The following SHANK1 variants were observed in gnomAD, a reference collection of about 807,000 sequenced individuals.
SHANK1 encodes the protein SH3 and multiple ankyrin repeat domains 1.
SHANK1 carries 35 observed loss-of-function variants against 165.6 expected under a neutral mutation model. The ratio of observed to expected loss-of-function variants is 0.21; its 90% confidence interval spans 0.16 to 0.28. The LOEUF is 0.28. SHANK1 is among the 10% of genes least tolerant of loss of function. The pLI, the probability that SHANK1 is intolerant of heterozygous loss-of-function variation, is 1.00. For synonymous variants in SHANK1, 1,428 were observed against 1,384.8 expected (o/e 1.03, Z -0.69); for missense variants, 2,681 against 3,036.4 (o/e 0.88, Z 2.75).
chr19:50,711,625 C>T, intron 7 of SHANK1, 138 bp from the exon 8 acceptor site: 1 of 699,282 alleles, frequency 1.4e-6, no homozygotes, highest in Admixed American at 2.6e-5. Flanking sequence ...CCTTTTAGCC[C>T]CGCTTCCTGC....
At position 50,686,789 on chromosome 19, in the gene SHANK1, C is replaced by T; in HGVS notation, c.2413G>A (p.Val805Met). Residue 805 changes from valine to methionine, a missense_variant, in exon 20 of 24, where the codon GTG (valine) becomes ATG (methionine). Coordinates refer to ENST00000293441, the MANE Select transcript of SHANK1 (RefSeq NM_016148.5). This position sits in a 1 kb window ranked among gnomAD's most constrained non-coding sequence, Gnocchi z 5.7. The part of the protein sequence containing the change: ...EMEYEQQPAP[V>M]PSMEKKRTVY... ...GTCCGCTTTTTCTCCATGCTGGGCA[C>T]CGGCGCCGGCTGCTGCTCGTACTCT... 7 of 1,613,826 alleles carry T rather than the reference C, an allele frequency of 4.3e-6. No individual in the cohort carries two copies. The highest frequency in any genetic ancestry group is 5.9e-6 in the Non-Finnish European group (7 of 1,179,804).
chr19:50,702,622 G>A lies in SHANK1; in HGVS notation c.1592C>T (p.Thr531Met), dbSNP rs756769589. 98 of 1,586,794 alleles carry A rather than the reference G, an allele frequency of 6.2e-5. No homozygotes were observed. The highest frequency in any genetic ancestry group is 7.1e-5 in the Admixed American group (4 of 56,632). ...GCCCCCGGGGCCCCCTGAGCCCCCC[G>A]TGCCCCCGGCTGGCCCTTCCCGGGG... ...GTPREGPAGGTGGSGGPGGSL... is the reference protein window; with the variant it reads ...GTPREGPAGGMGGSGGPGGSL... Residue 531 changes from threonine to methionine, a missense_variant, in exon 12 of 24, where the codon ACG becomes ATG. This residue lies in a region of SHANK1 where 195 missense variants were observed against 186.2 expected (regional missense o/e 1.05). Coordinates refer to ENST00000293441, the MANE Select transcript of SHANK1 (RefSeq NM_016148.5). This position sits in a 1 kb window ranked among gnomAD's most constrained non-coding sequence, Gnocchi z 5.3.
At chr19:50,714,424 T>C in intron 4 of SHANK1, 134 bp from the exon 5 acceptor site, 2 of 740,552 alleles carry the variant, frequency 2.7e-6, no homozygotes, top group Non-Finnish European at 4.4e-6. Context: ...AGCAGCCTCC[T>C]TTACAGAGAA....
At position 50,666,242 on chromosome 19, in the gene SHANK1, G is replaced by A. The variant is rs370229569; in HGVS notation, c.5718C>T (p.His1906=). 2.9e-5 allele frequency: 47 copies of A among 1,609,478 alleles called. No individual in the cohort carries two copies. Among genetic ancestry groups the A allele is most frequent in the Non-Finnish European group, 3.7e-5 (44 of 1,178,598 alleles). ...TCTCGGGGACATAGCTGGCTCCCCCGTGGTGGCTGTCTCCGCCTCCCCCAC... is the reference window on the plus strand; with the variant it reads ...TCTCGGGGACATAGCTGGCTCCCCCATGGTGGCTGTCTCCGCCTCCCCCAC... The part of the protein sequence containing the change: ...GGSGGGGDSH[H]GGASYVPERT... The change falls in exon 23 of 24, where the codon CAC becomes CAT. Residue 1906 remains histidine (H), a synonymous_variant. Transcript: ENST00000293441.
chr19:50,689,316 G>A (rs1329718892), intron 15 of SHANK1, 37 bp from the exon 16 acceptor site: 1 of 1,449,276 alleles, frequency 6.9e-7, no homozygotes. Context: ...GGGTGGTGGG[G>A]GGAGTGGAGA....
chr19:50,663,729 T>C (rs976108945), intron 23 of SHANK1, among the ~76,000 whole-genome samples: 1 of 146,706 alleles, frequency 6.8e-6, no homozygotes, highest in African/African-American at 2.5e-5. Flanking sequence ...TTCCTGTTGC[T>C]GCTACAAGCA....
rs1296699750 is a variant in SHANK1, at chr19:50,686,928, G to C, written c.2390-116C>G. On this transcript the variant is annotated intron_variant, in intron 19 of 23. Coordinates refer to ENST00000293441, the MANE Select transcript of SHANK1 (RefSeq NM_016148.5). The surrounding 1 kb of genome is among the most constrained non-coding windows in gnomAD (Gnocchi z 5.7). Reference sequence around the variant, plus strand: ...CCAGTGGGCGTGGCGGGCGCGAGAGGGGCAGTGAGGGGCCGGGGTCAGGGA... The same window carrying C: ...CCAGTGGGCGTGGCGGGCGCGAGAGCGGCAGTGAGGGGCCGGGGTCAGGGA... 9 of 1,372,954 alleles carry C rather than the reference G, an allele frequency of 6.6e-6. No individual in the cohort carries two copies. The highest frequency in any genetic ancestry group is 8.8e-6 in the Non-Finnish European group (9 of 1,022,244). 85.0% of individuals were successfully genotyped at this position (1,372,954 alleles called of 1,614,324 possible).
In SHANK1 at chr19:50,686,469, A is replaced by G; in HGVS notation, c.2459-114T>C. ...AGTTCATCCAGCACCTGGATCAACC[A>G]GGAAAGGGCAGCCCTGCCTGGGTCC... is the stretch of plus-strand genomic sequence containing the variant. On this transcript the variant is annotated intron_variant, in intron 20 of 23. Transcript: ENST00000293441. This position sits in a 1 kb window ranked among gnomAD's most constrained non-coding sequence, Gnocchi z 5.7. 1 of 821,646 alleles carries G rather than the reference A, an allele frequency of 1.2e-6. No individual in the cohort carries two copies. The highest frequency in any genetic ancestry group is 2.0e-6 in the Non-Finnish European group (1 of 508,874). 50.9% of individuals were successfully genotyped at this position (821,646 alleles called of 1,614,324 possible).
chr19:50,711,043 A>C (rs577641639), intron 8 of SHANK1: 1 of 237,454 alleles, frequency 4.2e-6, no homozygotes, highest in Non-Finnish European at 8.2e-6. Context: ...AGGGATCTGG[A>C]TTCCCTGTGA....
intron 12 of SHANK1, among the ~76,000 whole-genome samples, chr19:50,699,500 A>G (rs942727473): frequency 6.6e-5 from 10 of 152,210 alleles, no homozygotes; most frequent in Non-Finnish European, 1.2e-4. Flanking sequence ...GGTGTGACAC[A>G]TAGGTTGAGA....
rs2089078378 is a variant in SHANK1 at position 50,716,968 on chromosome 19, G to A, written c.-43-6C>T. Reference sequence around the variant, plus strand: ...GACGGCAGCATCACAGGCGGCTGCAGGGGCCAAGGGCGGCCATCAGACTAG... The same window carrying A: ...GACGGCAGCATCACAGGCGGCTGCAAGGGCCAAGGGCGGCCATCAGACTAG... On this transcript the variant is annotated splice_region_variant and splice_polypyrimidine_tract_variant and intron_variant, in intron 1 of 23. Coordinates refer to ENST00000293441, the MANE Select transcript of SHANK1 (RefSeq NM_016148.5). The surrounding 1 kb of genome is among the most constrained non-coding windows in gnomAD (Gnocchi z 8.4). The A allele has an allele frequency of 1.4e-6, 2 of 1,407,042 alleles. No homozygotes were observed. The highest frequency in any genetic ancestry group is 1.5e-5 in the African/African-American group (1 of 68,740). The allele number at this position is 1,407,042 out of a possible 1,614,324, so 87.2% of individuals were successfully genotyped here. A position where few individuals can be genotyped will look rare whatever the true frequency, so the allele number is the denominator to read the frequency against.
rs1205909077 is a variant in SHANK1 at position 50,668,239 on chromosome 19, G to A, written c.3721C>T (p.Arg1241Trp). ...TCATTCTGCCAGCCCCCCTCCCTCCGGGCCGCCCCCACCAGGGCGGCCCCG... is the reference window on the plus strand; with the variant it reads ...TCATTCTGCCAGCCCCCCTCCCTCCAGGCCGCCCCCACCAGGGCGGCCCCG... ...QFGAALVGAARREGGWQNEAR... is the reference protein window; with the variant it reads ...QFGAALVGAAWREGGWQNEAR... Residue 1241 changes from arginine to tryptophan, a missense_variant, in exon 23 of 24, where the codon CGG (arginine) becomes TGG (tryptophan). By Grantham distance (101) the Arg-to-Trp change is moderately radical (BLOSUM62 -3). Coordinates refer to ENST00000293441, the MANE Select transcript of SHANK1 (RefSeq NM_016148.5). 3 of 1,467,466 alleles carry A rather than the reference G, an allele frequency of 2.0e-6. No homozygotes were observed. The highest frequency in any genetic ancestry group is 2.7e-5 in the Admixed American group (1 of 37,238). The allele number at this position is 1,467,466 out of a possible 1,614,324, so 90.9% of individuals were successfully genotyped here.
intron 8 of SHANK1, among the ~76,000 whole-genome samples, chr19:50,705,036 G>C (rs952090363): frequency 1.3e-5 from 2 of 151,268 alleles, no homozygotes; most frequent in African/African-American, 4.9e-5. Flanking sequence ...GCAGGGACCT[G>C]TCTCCCCCCC....
At position 50,686,941 on chromosome 19, in the gene SHANK1, CCGGGGTCAGGGAGGGGCGAGTCCGCCGG is replaced by C; in HGVS notation, c.2390-157_2390-130del. The C allele has an allele frequency of 7.3e-7, 1 of 1,361,054 alleles. No individual in the cohort carries two copies. 84.3% of individuals were successfully genotyped at this position (1,361,054 alleles called of 1,614,324 possible). The stretch of plus-strand genomic sequence containing the variant: ...CGGGCGCGAGAGGGGCAGTGAGGGG[CCGGGGTCAGGGAGGGGCGAGTCCGCCGG>C]CGGGGTCGGGAGACGGGGGCCCTCC... On this transcript the variant is annotated intron_variant, in intron 19 of 23. Coordinates refer to ENST00000293441, the MANE Select transcript of SHANK1 (RefSeq NM_016148.5). The surrounding 1 kb of genome is among the most constrained non-coding windows in gnomAD (Gnocchi z 5.7).
intron 4 of SHANK1, among the ~76,000 whole-genome samples, 162 bp downstream of exon 4, chr19:50,715,497 T>G (rs1289940697): frequency 6.6e-6 from 1 of 150,600 alleles, no homozygotes; most frequent in Non-Finnish European, 1.5e-5. Flanking sequence ...TTGTCTCAAA[T>G]GTGGTACAGC....
intron 15 of SHANK1, among the ~76,000 whole-genome samples, chr19:50,696,236 G>C (rs901061008): frequency 1.3e-5 from 2 of 152,186 alleles, no homozygotes; most frequent in African/African-American, 4.8e-5. Flanking sequence ...TGGTAGACAA[G>C]AAGCAGAGGC....
Position 50,683,727 on chromosome 19 carries a change from G to C in SHANK1, c.2577+2510C>G, listed in dbSNP as rs545476189. ...AGGCACCCTCGTTCAGCCTCGTCTG[G>C]GAACCCACACATAGGGCTACTCAAG... On this transcript the variant is annotated intron_variant, in intron 21 of 23. Coordinates refer to ENST00000293441, the MANE Select transcript of SHANK1 (RefSeq NM_016148.5). Among the ~76,000 whole-genome samples, 4 of 152,262 alleles carry C rather than the reference G, an allele frequency of 2.6e-5. No individual in the cohort carries two copies. In the East Asian group the frequency reaches 7.7e-4, roughly 29 times the overall value.
At chr19:50,666,049 T>G in intron 23 of SHANK1, 143 bp downstream of exon 23, 4 of 687,798 alleles carry the variant, frequency 5.8e-6, no homozygotes, top group Non-Finnish European at 6.7e-6. Flanking sequence ...AAAAAGAAAA[T>G]ATTTGTGAAA....
chr19:50,715,396 G>A (rs1355043016), intron 4 of SHANK1, among the ~76,000 whole-genome samples: 1 of 152,038 alleles, frequency 6.6e-6, no homozygotes, highest in African/African-American at 2.4e-5. Flanking sequence ...AGGAGGCCAG[G>A]TGGGAATGAT....
Sources: gnomAD v4.1 joint callset for allele counts (sites outside exome capture counted in the v4.1 genomes callset) on GRCh38, gnomAD v4.1.1 for gene constraint, gnomAD v4.1.1 regional missense constraint, Gnocchi (gnomAD v3.1) non-coding constraint, MANE v1.5 for transcripts, NCBI Gene and HGNC (gene_info 2026-07-23, HGNC 2026-07-21) for gene names.